The following EDARADD variants were observed in gnomAD, a reference collection of about 807,000 sequenced individuals.
The protein encoded by EDARADD is ectodysplasin-A receptor-associated adapter protein.
Under a neutral mutation model 25.6 loss-of-function variants are expected in EDARADD, and 20 were observed. The ratio of observed to expected loss-of-function variants is 0.78; its 90% CI spans 0.55 to 1.14. The LOEUF is 1.14. Ranked by LOEUF, EDARADD falls within the 50% of genes most tolerant of loss-of-function variation. EDARADD has a pLI of 0.00. For synonymous variants in EDARADD, 86 were observed against 94.4 expected (o/e 0.91, Z 0.52); for missense variants, 225 against 270.1 (o/e 0.83, Z 1.17).
chr1:236,424,616 T>TGGGGCCTTCCCTGTGGCAGTGG (rs1233418060), intron 3 of EDARADD, among the ~76,000 whole-genome samples: 4 of 152,188 alleles, frequency 2.6e-5, no homozygotes, highest in African/African-American at 9.6e-5. Flanking sequence ...TCATCAGGGG[T>TGGGGCCTTCCCTGTGGCAGTGG]GGGGCCTTCC....
At chr1:236,473,872 C>T (rs61834033) in intron 5 of EDARADD, among the ~76,000 whole-genome samples, 12 of 152,228 alleles carry the variant, frequency 7.9e-5, no homozygotes, top group Non-Finnish European at 1.6e-4. Flanking sequence ...CTGAGCTAAT[C>T]GAGCCTCCCC....
At position 236,482,989 on chromosome 1, in the gene EDARADD, G is replaced by A; in HGVS notation, c.*340G>A. 1 of 610,374 alleles carries A rather than the reference G, an allele frequency of 1.6e-6. No homozygotes were observed. Among genetic ancestry groups the A allele is most frequent in the Non-Finnish European group, 2.9e-6 (1 of 348,060 alleles). The allele number at this position is 610,374 out of a possible 1,614,324, so 37.8% of individuals were successfully genotyped here. A position where few individuals can be genotyped will look rare whatever the true frequency, so the allele number is the denominator to read the frequency against. On this transcript the variant is annotated 3_prime_UTR_variant, in exon 6 of 6. Transcript: ENST00000334232. ...TGAAATACGGTAAAGATTTAAATAG[G>A]TCCTGAGACTGTTGATAGCCCCAGA...
chr1:236,431,123 TAAATA>T (rs1329143411), intron 4 of EDARADD, among the ~76,000 whole-genome samples: 3 of 152,072 alleles, frequency 2.0e-5, no homozygotes, highest in Non-Finnish European at 4.4e-5. Context: ...TTAAAATAAA[TAAATA>T]AATAAATAAA....
intron 3 of EDARADD, among the ~76,000 whole-genome samples, chr1:236,426,587 G>A (rs1657924713): frequency 6.6e-6 from 1 of 152,152 alleles, no homozygotes; most frequent in Non-Finnish European, 1.5e-5. Context: ...TCCACATGTT[G>A]GTAGGAAACT....
intron 3 of EDARADD, among the ~76,000 whole-genome samples, chr1:236,418,398 C>G (rs1426244090): frequency 6.6e-6 from 1 of 152,102 alleles, no homozygotes; most frequent in Non-Finnish European, 1.5e-5. Context: ...GCGACCACCA[C>G]CACACCCAGC....
chr1:236,478,638 G>T (rs1429858258), intron 5 of EDARADD, among the ~76,000 whole-genome samples: 2 of 152,100 alleles, frequency 1.3e-5, no homozygotes, highest in African/African-American at 4.8e-5. Flanking sequence ...CCAGGCTGGA[G>T]TGCAGTGGCT....
At position 236,375,935 on chromosome 1, in the gene EDARADD, C is replaced by CTT. The variant is rs35653732; in HGVS notation, c.-6+25114_-6+25115dup. Among the ~76,000 whole-genome samples, 223 of 120,194 alleles carry CTT rather than the reference C, an allele frequency of 1.9e-3. 1 individual carries two copies. The highest frequency in any genetic ancestry group is 6.4e-3 in the African/African-American group (205 of 32,122). The allele number at this position is 120,194 out of a possible 152,430, so 78.9% of individuals were successfully genotyped here. A position where few individuals can be genotyped will look rare whatever the true frequency, so the allele number is the denominator to read the frequency against. On this transcript the variant is annotated intron_variant, in intron 3 of 7. Transcript: ENST00000439430. The stretch of plus-strand genomic sequence containing the variant: ...AAGAATGTTTTTATTTTACCTGCAC[C>CTT]TTTTTTTTTTTTTTTTTTTGAGACA...
rs533801259 is a variant in EDARADD, at chr1:236,400,962, C to T, written c.61+6457C>T. 4.6e-5 allele frequency among the ~76,000 whole-genome samples: 7 copies of T among 151,968 alleles called. No homozygotes were observed. In the South Asian group the frequency reaches 1.0e-3, roughly 23 times the overall value. ...TATAATCCCCAGCACTTTAGGAGGCCGAGGGAGGTGGATCACCTGAGGTCA... is the reference window on the plus strand; with the variant it reads ...TATAATCCCCAGCACTTTAGGAGGCTGAGGGAGGTGGATCACCTGAGGTCA... On this transcript the variant is annotated intron_variant, in intron 1 of 5. Coordinates refer to ENST00000334232, the MANE Select transcript of EDARADD (RefSeq NM_145861.4).
rs770253410 is a variant in EDARADD at position 236,482,658 on chromosome 1, T to C, written c.*9T>C. The C allele has an allele frequency of 3.7e-6, 6 of 1,611,470 alleles. No homozygotes were observed. The highest frequency in any genetic ancestry group is 1.7e-5 in the Admixed American group (1 of 60,022). Reference sequence around the variant, plus strand: ...CCTCCAGGCACTTCTAGAGCTCTTCTTCTTCCTTCATTGGCCTCTCCGGAT... The same window carrying C: ...CCTCCAGGCACTTCTAGAGCTCTTCCTCTTCCTTCATTGGCCTCTCCGGAT... On this transcript the variant is annotated 3_prime_UTR_variant, in exon 6 of 6. Transcript: ENST00000334232.
At chr1:236,365,102 CA>C (rs1344178052) in intron 3 of EDARADD, among the ~76,000 whole-genome samples, 1 of 151,844 alleles carries the variant, frequency 6.6e-6, no homozygotes, top group Non-Finnish European at 1.5e-5. Flanking sequence ...TGGATTTGGT[CA>C]AAAGTTTTTC....
chr1:236,469,649 T>G (rs903784181), intron 5 of EDARADD, among the ~76,000 whole-genome samples: 12 of 152,214 alleles, frequency 7.9e-5, no homozygotes, highest in African/African-American at 2.6e-4. Context: ...TCAGCCCAGG[T>G]AACCAAGCTG....
At chr1:236,401,127 A>T (rs1051626107) in intron 1 of EDARADD, among the ~76,000 whole-genome samples, 1 of 152,044 alleles carries the variant, frequency 6.6e-6, no homozygotes, top group Non-Finnish European at 1.5e-5. Flanking sequence ...CAGAGGTTGC[A>T]GTGAGCTGAG....
At chr1:236,430,235 T>C (rs1759387) in intron 4 of EDARADD, among the ~76,000 whole-genome samples, 68,356 of 152,098 alleles carry the variant, frequency 0.45, 17,658 homozygotes, top group Non-Finnish European at 0.59. Context: ...CTTGAAATTA[T>C]AATCTAATAA....
At chr1:236,385,401 T>C (rs1572119145) in intron 3 of EDARADD, among the ~76,000 whole-genome samples, 1 of 78,454 alleles carries the variant, frequency 1.3e-5, no homozygotes. Flanking sequence ...AGAGCGAGAC[T>C]CCATCTCAAA....
intron 3 of EDARADD, among the ~76,000 whole-genome samples, chr1:236,414,986 G>A (rs1657598841): frequency 6.6e-6 from 1 of 152,196 alleles, no homozygotes; most frequent in Non-Finnish European, 1.5e-5. Flanking sequence ...CTTCTTCCAT[G>A]TTGGCTCCAT....
At chr1:236,352,843 A>G (rs1485443744) in intron 3 of EDARADD, among the ~76,000 whole-genome samples, 2 of 147,478 alleles carry the variant, frequency 1.4e-5, no homozygotes, top group African/African-American at 2.5e-5. Context: ...GTAAAACTCC[A>G]TCTCATAAAT....
chr1:236,384,388 G>A (rs1159465360), intron 3 of EDARADD, among the ~76,000 whole-genome samples: 1 of 152,132 alleles, frequency 6.6e-6, no homozygotes, highest in Non-Finnish European at 1.5e-5. Context: ...TTTCTAGTGG[G>A]TTAAGTACCT....
chr1:236,400,719 TA>T (rs1476778377), intron 1 of EDARADD, among the ~76,000 whole-genome samples: 8 of 104,952 alleles, frequency 7.6e-5, no homozygotes, highest in African/African-American at 2.5e-4. Context: ...CACACCCGGC[TA>T]TTTTTTTTTT....
chr1:236,370,643 T>G (rs985885602), intron 3 of EDARADD, among the ~76,000 whole-genome samples: 3 of 152,042 alleles, frequency 2.0e-5, no homozygotes, highest in Non-Finnish European at 4.4e-5. Flanking sequence ...TTGCACTGAG[T>G]CAGTTCCTGA....
Sources: allele counts gnomAD v4.1 joint callset (sites outside exome capture counted in the v4.1 genomes callset), GRCh38; gene constraint gnomAD v4.1.1; transcripts MANE v1.5; gene names NCBI Gene and HGNC (gene_info 2026-07-23, HGNC 2026-07-21).